Variants in PPARGC1A observed in about 807,000 individuals in gnomAD.
The protein encoded by PPARGC1A is PPARG coactivator 1 alpha, also known as peroxisome proliferator-activated receptor gamma coactivator 1-alpha.
In PPARGC1A, 25 loss-of-function variants were observed where a neutral mutation model predicts 88.7. The observed-to-expected ratio is 0.28, with a 90% CI of 0.21 to 0.39. The LOEUF (loss-of-function observed/expected upper bound fraction) is 0.39. PPARGC1A is among the 10% of genes least tolerant of loss of function. PPARGC1A has a pLI of 1.00. For missense variants in PPARGC1A, 880 were observed against 968.7 expected (o/e 0.91, Z 1.22); for synonymous variants, 363 against 355.6 (o/e 1.02, Z -0.24).
the PPARGC1A span, among the ~76,000 whole-genome samples, chr4:24,159,254 A>G: frequency 3.2e-5 from 4 of 123,512 alleles, no homozygotes; most frequent in African/African-American, 1.3e-4. Flanking sequence ...CTCTGTTGCC[A>G]GGCTGGAGTG....
the PPARGC1A span, among the ~76,000 whole-genome samples, chr4:24,086,630 T>G: frequency 2.0e-5 from 3 of 152,324 alleles, no homozygotes; most frequent in Admixed American, 6.5e-5. Context: ...ACCATGACCT[T>G]GCGTTGCAGG....
the PPARGC1A span, among the ~76,000 whole-genome samples, chr4:24,289,696 C>G: frequency 6.6e-6 from 1 of 152,174 alleles, no homozygotes; most frequent in Admixed American, 6.5e-5. Flanking sequence ...GGAACATCAT[C>G]AGGAGATCTC....
At chr4:24,334,380 T>C in the PPARGC1A span, among the ~76,000 whole-genome samples, 1 of 152,184 alleles carries the variant, frequency 6.6e-6, no homozygotes, top group Non-Finnish European at 1.5e-5. Context: ...GTGAATTAAC[T>C]TTTCTGTGGC....
chr4:24,389,275 C>T, the PPARGC1A span, among the ~76,000 whole-genome samples: 7 of 152,210 alleles, frequency 4.6e-5, no homozygotes, highest in African/African-American at 1.7e-4. Context: ...CCAACATTTC[C>T]ATGGAAACTG....
chr4:24,178,392 C>T, the PPARGC1A span, among the ~76,000 whole-genome samples: 6 of 152,032 alleles, frequency 3.9e-5, no homozygotes, highest in African/African-American at 1.4e-4. Context: ...TTTTTATTAG[C>T]GTTACTCAAA....
chr4:24,362,240 C>G, the PPARGC1A span, among the ~76,000 whole-genome samples: 1 of 152,032 alleles, frequency 6.6e-6, no homozygotes, highest in Non-Finnish European at 1.5e-5. Flanking sequence ...TGTCTCTCAC[C>G]ACATCATTTT....
the PPARGC1A span, among the ~76,000 whole-genome samples, chr4:24,393,013 G>GCACACACA: frequency 2.5e-4 from 37 of 146,098 alleles, no homozygotes; most frequent in African/African-American, 9.3e-4. Flanking sequence ...TGCTCCATCA[G>GCACACACA]CACACACACA....
chr4:23,844,454 AT>A (rs1727667928), intron 2 of PPARGC1A, among the ~76,000 whole-genome samples: 1 of 112,276 alleles, frequency 8.9e-6, no homozygotes, highest in South Asian at 2.8e-4. Flanking sequence ...TATAGAATAT[AT>A]TTATTATATA....
the PPARGC1A span, among the ~76,000 whole-genome samples, chr4:24,093,151 A>G: frequency 1.3e-5 from 2 of 152,318 alleles, no homozygotes; most frequent in South Asian, 4.2e-4. Flanking sequence ...AAAGAATCCA[A>G]AAGAGATGAA....
the PPARGC1A span, among the ~76,000 whole-genome samples, chr4:24,375,992 G>A: frequency 6.0e-5 from 9 of 149,572 alleles, no homozygotes; most frequent in East Asian, 2.0e-4. Context: ...AATCATTTGC[G>A]TGGATTGTGC....
chr4:24,273,019 C>G, the PPARGC1A span, among the ~76,000 whole-genome samples: 1 of 152,210 alleles, frequency 6.6e-6, no homozygotes, highest in African/African-American at 2.4e-5. Context: ...AATTTATCTT[C>G]CAGCCACTTT....
the PPARGC1A span, among the ~76,000 whole-genome samples, chr4:24,128,860 G>A: frequency 6.6e-6 from 1 of 152,070 alleles, no homozygotes; most frequent in African/African-American, 2.4e-5. Context: ...TGAAGTTTGG[G>A]GTAAAATGAA....
At chr4:24,056,930 C>T in the PPARGC1A span, among the ~76,000 whole-genome samples, 1 of 152,126 alleles carries the variant, frequency 6.6e-6, no homozygotes, top group African/African-American at 2.4e-5. Flanking sequence ...TCCATATGAT[C>T]CAGCAATTCC....
chr4:24,098,262 A>C, the PPARGC1A span, among the ~76,000 whole-genome samples: 441 of 152,348 alleles, frequency 2.9e-3, 4 homozygotes, highest in African/African-American at 0.01. Flanking sequence ...TACATGGGAA[A>C]AACTTCAGAA....
At chr4:24,077,622 G>GGGGT in the PPARGC1A span, among the ~76,000 whole-genome samples, 94 of 109,782 alleles carry the variant, frequency 8.6e-4, no homozygotes, top group African/African-American at 3.4e-3. Context: ...GATGTGTCTA[G>GGGGT]GGGTGTGTGT....
At chr4:24,242,419 A>G in the PPARGC1A span, among the ~76,000 whole-genome samples, 1 of 152,140 alleles carries the variant, frequency 6.6e-6, no homozygotes, top group African/African-American at 2.4e-5. Context: ...TTATCTCTGT[A>G]GCTGCAGTTT....
chr4:24,156,752 T>A, the PPARGC1A span, among the ~76,000 whole-genome samples: 1 of 150,504 alleles, frequency 6.6e-6, no homozygotes, highest in African/African-American at 2.5e-5. Context: ...TTTTTTTTTT[T>A]AACTTTTGTT....
At chr4:24,128,173 G>A in the PPARGC1A span, among the ~76,000 whole-genome samples, 265 of 152,212 alleles carry the variant, frequency 1.7e-3, 4 homozygotes, top group Non-Finnish European at 2.4e-3. Flanking sequence ...ACTTTGTAGC[G>A]TGGTACCAAA....
the PPARGC1A span, among the ~76,000 whole-genome samples, chr4:23,989,270 A>G: frequency 6.6e-6 from 1 of 151,972 alleles, no homozygotes; most frequent in Admixed American, 6.6e-5. Flanking sequence ...CACGTCAATA[A>G]TTAATGGTTT....
Sources: gnomAD v4.1 joint callset for allele counts (sites outside exome capture counted in the v4.1 genomes callset) on GRCh38, gnomAD v4.1.1 for gene constraint, MANE v1.5 for transcripts, NCBI Gene and HGNC (gene_info 2026-07-23, HGNC 2026-07-21) for gene names.